Variants in EVA1A observed in about 807,000 individuals in gnomAD.
The protein encoded by EVA1A is protein eva-1 homolog A.
EVA1A carries 7 observed loss-of-function variants against 9.8 expected under a neutral mutation model. That is an observed-to-expected ratio of 0.71 (90% CI 0.41 to 1.34). The LOEUF is 1.34. EVA1A is among the 40% of genes most tolerant of loss of function. EVA1A has a pLI of 0.01. For missense variants in EVA1A, 206 were observed against 205.9 expected (o/e 1.00, Z 0.00); for synonymous variants, 90 against 85.6 (o/e 1.05, Z -0.28).
rs567827989 is a variant in EVA1A at position 75,507,732 on chromosome 2, C to A, written c.85+10324G>T. ...CCTTCAGAATTGTCTTGAGATGGGA[C>A]AGGAGACAGTAGAGCTGCAGGTTCA... is the stretch of plus-strand genomic sequence containing the variant. On this transcript the variant is annotated intron_variant, in intron 3 of 3. Coordinates refer to ENST00000393913, the MANE Select transcript of EVA1A (RefSeq NM_001135032.2). 3.9e-5 allele frequency among the ~76,000 whole-genome samples: 6 copies of A among 152,250 alleles called. No homozygotes were observed. The South Asian group carries it at 8.3e-4, about 21-fold the overall frequency.
chr2:75,547,890 C>A (rs1676386875), intron 1 of EVA1A, among the ~76,000 whole-genome samples: 1 of 152,218 alleles, frequency 6.6e-6, no homozygotes, highest in African/African-American at 2.4e-5. Context: ...GTTTTACTAT[C>A]ACATAGCCAC....
At chr2:75,507,367 A>G (rs1346341332) in intron 3 of EVA1A, among the ~76,000 whole-genome samples, 1 of 152,188 alleles carries the variant, frequency 6.6e-6, no homozygotes, top group Non-Finnish European at 1.5e-5. Context: ...ATGCCTACCA[A>G]CCATCTATGT....
At chr2:75,560,641 GC>G (rs58578233) in intron 1 of EVA1A, 38 bp downstream of exon 1, 152,356 of 152,356 alleles carry the variant, frequency 1, 76,178 homozygotes, top group Non-Finnish European at 1. Context: ...GATGCCGGGC[GC>G]CCCCAGAGTT....
At chr2:75,502,978 C>T (rs1012499479) in intron 3 of EVA1A, among the ~76,000 whole-genome samples, 1 of 152,206 alleles carries the variant, frequency 6.6e-6, no homozygotes, top group Non-Finnish European at 1.5e-5. Flanking sequence ...AAGATAGTTT[C>T]TGAACTCCAT....
At chr2:75,525,634 G>T (rs2103872406) in intron 1 of EVA1A, among the ~76,000 whole-genome samples, 1 of 152,282 alleles carries the variant, frequency 6.6e-6, no homozygotes, top group South Asian at 2.1e-4. Context: ...CTCAATGATG[G>T]GAGTCAAGGT....
At chr2:75,525,764 A>G (rs1160359167) in intron 1 of EVA1A, among the ~76,000 whole-genome samples, 14 of 152,186 alleles carry the variant, frequency 9.2e-5, no homozygotes. Context: ...ACATAAAAGG[A>G]CCAGGGTTAA....
chr2:75,546,802 C>T (rs762546260), intron 1 of EVA1A, among the ~76,000 whole-genome samples: 3 of 151,800 alleles, frequency 2.0e-5, no homozygotes, highest in Non-Finnish European at 2.9e-5. Flanking sequence ...TTAGGGCGGG[C>T]CTCAACCCAA....
At chr2:75,514,131 C>A (rs144722586) in intron 3 of EVA1A, among the ~76,000 whole-genome samples, 1 of 152,012 alleles carries the variant, frequency 6.6e-6, no homozygotes, top group South Asian at 2.1e-4. Flanking sequence ...ATAAGGCAGG[C>A]GAAAACATGA....
rs112344664 is a variant in EVA1A, at chr2:75,518,107, C to A, written c.34G>T (p.Val12Leu). ...RLPLSHSPEH[V>L]EMALLSNILA... ...ATGTTGCTGAGCAAAGCCATCTCCACGTGCTCTGGGCTGTGGCTGAGGGGC... is the reference window on the plus strand; with the variant it reads ...ATGTTGCTGAGCAAAGCCATCTCCAAGTGCTCTGGGCTGTGGCTGAGGGGC... The change falls in exon 3 of 4, where the codon GTG becomes TTG. Residue 12 changes from valine to leucine, a missense_variant. Val to Leu is a conservative substitution (Grantham distance 32). Transcript: ENST00000393913. 6 of 1,614,028 alleles carry A rather than the reference C, an allele frequency of 3.7e-6. No individual in the cohort carries two copies. Among genetic ancestry groups the A allele is most frequent in the Non-Finnish European group, 5.1e-6 (6 of 1,180,010 alleles).
intron 1 of EVA1A, among the ~76,000 whole-genome samples, chr2:75,552,881 G>T (rs12053306): frequency 0.25 from 37,985 of 152,088 alleles, 5,804 homozygotes; most frequent in Admixed American, 0.37. Context: ...TGGTCTTTTT[G>T]CCACCTATCT....
intron 3 of EVA1A, among the ~76,000 whole-genome samples, chr2:75,516,412 A>G (rs1287187623): frequency 1.3e-5 from 2 of 152,162 alleles, no homozygotes; most frequent in Non-Finnish European, 2.9e-5. Flanking sequence ...GTACTTACTT[A>G]AAGAAGCATT....
rs540238065 is a variant in EVA1A, at chr2:75,535,292, T to C, written c.-191-12805A>G. On this transcript the variant is annotated intron_variant, in intron 1 of 3. Coordinates refer to ENST00000393913, the MANE Select transcript of EVA1A (RefSeq NM_001135032.2). ...CAAAAAGCAATAGATGGCATAGATA[T>C]GGCAAAAAAAAAAAAAAAAAGGGAA... is the stretch of plus-strand genomic sequence containing the variant. Among the ~76,000 whole-genome samples the C allele has an allele frequency of 1.1e-3, 51 of 48,230 alleles. No individual in the cohort carries two copies. The African/African-American group carries it at 0.012, about 11-fold the overall frequency. 31.6% of individuals were successfully genotyped at this position (48,230 alleles called of 152,430 possible). A position where few individuals can be genotyped will look rare whatever the true frequency, so the allele number is the denominator to read the frequency against.
chr2:75,511,194 G>T (rs1674799434), intron 3 of EVA1A, among the ~76,000 whole-genome samples: 2 of 152,172 alleles, frequency 1.3e-5, no homozygotes, highest in African/African-American at 4.8e-5. Context: ...TCTTTTAGGA[G>T]TAAATTGGTA....
At chr2:75,525,268 A>C (rs936138094) in intron 1 of EVA1A, among the ~76,000 whole-genome samples, 2 of 152,058 alleles carry the variant, frequency 1.3e-5, no homozygotes, top group African/African-American at 2.4e-5. Flanking sequence ...AAACTTACCT[A>C]ATTTCCCCCA....
At chr2:75,541,707 C>T (rs1381342565) in intron 1 of EVA1A, 1 of 152,924 alleles carries the variant, frequency 6.5e-6, no homozygotes, top group Non-Finnish European at 1.5e-5. Flanking sequence ...GTTCATTCCC[C>T]CAGCTTACCT....
At chr2:75,540,221 C>G (rs895619126) in intron 1 of EVA1A, among the ~76,000 whole-genome samples, 1 of 152,192 alleles carries the variant, frequency 6.6e-6, no homozygotes, top group African/African-American at 2.4e-5. Flanking sequence ...TGTGAGGATG[C>G]AGGGCTTGTA....
chr2:75,494,247 T>C (rs929852419), intron 3 of EVA1A, among the ~76,000 whole-genome samples: 1 of 152,154 alleles, frequency 6.6e-6, no homozygotes, highest in Admixed American at 6.5e-5. Context: ...AATCCACATA[T>C]AAGGAGTGTC....
At chr2:75,507,308 C>A (rs1174079983) in intron 3 of EVA1A, among the ~76,000 whole-genome samples, 2 of 152,216 alleles carry the variant, frequency 1.3e-5, no homozygotes, top group Non-Finnish European at 2.9e-5. Flanking sequence ...CTGGCCACTT[C>A]TTCAAACCTG....
At chr2:75,507,949 T>A (rs530241134) in intron 3 of EVA1A, among the ~76,000 whole-genome samples, 2 of 152,302 alleles carry the variant, frequency 1.3e-5, no homozygotes, top group East Asian at 3.9e-4. Context: ...TCATGGACAT[T>A]TATTAGTTCC....
Sources: gnomAD v4.1 joint callset for allele counts (sites outside exome capture counted in the v4.1 genomes callset) on GRCh38, gnomAD v4.1.1 for gene constraint, MANE v1.5 for transcripts, NCBI Gene and HGNC (gene_info 2026-07-23, HGNC 2026-07-21) for gene names.